Variants in ASTN2 observed in about 807,000 individuals in gnomAD.
ASTN2 encodes astrotactin 2.
Under a neutral mutation model 139.8 loss-of-function variants are expected in ASTN2, and 54 were observed. The observed-to-expected ratio is 0.39, with a 90% CI of 0.31 to 0.48. ASTN2 has a LOEUF of 0.48. Ranked by LOEUF, ASTN2 falls within the 20% of genes least tolerant of loss-of-function variation. The pLI is 0.95. For missense variants in ASTN2, 1,565 were observed against 1,725.1 expected (o/e 0.91, Z 1.64); for synonymous variants, 756 against 719.5 (o/e 1.05, Z -0.81).
chr9:116,736,559 C>A (rs1177533107), intron 13 of ASTN2, among the ~76,000 whole-genome samples: 1 of 152,166 alleles, frequency 6.6e-6, no homozygotes, highest in Non-Finnish European at 1.5e-5. Context: ...GAGGACCTTG[C>A]TGCTCCTACA....
At chr9:116,913,654 C>A (rs1834372566) in intron 10 of ASTN2, among the ~76,000 whole-genome samples, 1 of 152,164 alleles carries the variant, frequency 6.6e-6, no homozygotes, top group Non-Finnish European at 1.5e-5. Context: ...AATATACTCC[C>A]TTTTATAGCA....
Position 116,580,493 on chromosome 9 carries a change from A to C in ASTN2, c.3355+37831T>G, listed in dbSNP as rs10983249. On this transcript the variant is annotated intron_variant, in intron 19 of 22. Transcript: ENST00000313400. ...GAAGACAGCCAGCAAAAAATCTTCCAGTTACTCTGAATACCCTGTGACACC... is the reference window on the plus strand; with the variant it reads ...GAAGACAGCCAGCAAAAAATCTTCCCGTTACTCTGAATACCCTGTGACACC... 8.3e-3 allele frequency among the ~76,000 whole-genome samples: 1,266 copies of C among 152,286 alleles called. 14 individuals are homozygous for C. The highest frequency in any genetic ancestry group is 0.028 in the African/African-American group (1,147 of 41,580).
intron 10 of ASTN2, among the ~76,000 whole-genome samples, chr9:116,893,208 T>C (rs1414968842): frequency 2.6e-5 from 4 of 151,802 alleles, no homozygotes; most frequent in Admixed American, 6.6e-5. Context: ...AGAATCTTAC[T>C]ATACATATAC....
intron 7 of ASTN2, among the ~76,000 whole-genome samples, chr9:116,982,083 T>C (rs1464047061): frequency 6.6e-6 from 1 of 152,174 alleles, no homozygotes; most frequent in African/African-American, 2.4e-5. Context: ...TCTGTGTTCA[T>C]CTCCTGTGAG....
At chr9:117,334,420 T>C (rs1828809267) in intron 1 of ASTN2, among the ~76,000 whole-genome samples, 1 of 151,712 alleles carries the variant, frequency 6.6e-6, no homozygotes, top group Non-Finnish European at 1.5e-5. Context: ...ATTTTTAATA[T>C]GCGGAAAACA....
intron 16 of ASTN2, among the ~76,000 whole-genome samples, chr9:116,664,260 A>AT (rs1858732256): frequency 6.6e-6 from 1 of 151,822 alleles, no homozygotes; most frequent in African/African-American, 2.4e-5. Flanking sequence ...TTTTTTTTTA[A>AT]TATAGGCACA....
intron 7 of ASTN2, among the ~76,000 whole-genome samples, chr9:116,989,528 C>T (rs1307316273): frequency 6.6e-6 from 1 of 151,306 alleles, no homozygotes; most frequent in East Asian, 1.9e-4. Flanking sequence ...GTAATGTGTA[C>T]ATTCAGCTGA....
At chr9:117,369,884 C>T (rs1006967750) in intron 1 of ASTN2, among the ~76,000 whole-genome samples, 4 of 152,232 alleles carry the variant, frequency 2.6e-5, no homozygotes, top group Admixed American at 1.3e-4. Flanking sequence ...AGAGGAGGAA[C>T]CCCATCCACA....
chr9:117,229,872 G>C (rs137891406), intron 2 of ASTN2, among the ~76,000 whole-genome samples: 273 of 152,228 alleles, frequency 1.8e-3, no homozygotes, highest in Non-Finnish European at 3.3e-3. Flanking sequence ...GCCAGGTGTG[G>C]TGGCTCAGGC....
At chr9:116,622,945 T>A (rs1248194024) in intron 17 of ASTN2, among the ~76,000 whole-genome samples, 4 of 152,186 alleles carry the variant, frequency 2.6e-5, no homozygotes, top group Non-Finnish European at 4.4e-5. Flanking sequence ...TGCTGACTGT[T>A]AGACCTTTTC....
intron 3 of ASTN2, among the ~76,000 whole-genome samples, chr9:117,176,021 C>T (rs10983558): frequency 0.11 from 16,696 of 150,748 alleles, 987 homozygotes; most frequent in East Asian, 0.18. Flanking sequence ...GGAACATTTA[C>T]TAATCAGGTA....
At chr9:116,893,941 G>A (rs1206298015) in intron 10 of ASTN2, among the ~76,000 whole-genome samples, 1 of 152,144 alleles carries the variant, frequency 6.6e-6, no homozygotes, top group Admixed American at 6.5e-5. Flanking sequence ...CCCTGCTTGA[G>A]CATCCACATT....
chr9:116,988,111 G>A (rs1289221482), intron 7 of ASTN2, among the ~76,000 whole-genome samples: 1 of 152,226 alleles, frequency 6.6e-6, no homozygotes, highest in African/African-American at 2.4e-5. Flanking sequence ...CTGTGGATGA[G>A]GGGGAACTAC....
intron 4 of ASTN2, among the ~76,000 whole-genome samples, chr9:117,137,550 C>T (rs1829982029): frequency 1.3e-5 from 2 of 152,114 alleles, no homozygotes; most frequent in Admixed American, 1.3e-4. Context: ...ATAAATGTTC[C>T]AATGGGAGAA....
intron 10 of ASTN2, among the ~76,000 whole-genome samples, chr9:116,940,464 A>G (rs1835191966): frequency 6.6e-6 from 1 of 152,164 alleles, no homozygotes; most frequent in South Asian, 2.1e-4. Context: ...GAAGACAGTG[A>G]TATTGATGAT....
intron 5 of ASTN2, among the ~76,000 whole-genome samples, chr9:117,060,535 A>C (rs1839254979): frequency 7.6e-6 from 1 of 131,252 alleles, no homozygotes; most frequent in Non-Finnish European, 1.6e-5. Context: ...GGAAGGAAGG[A>C]AAGAAAGAAA....
chr9:117,335,864 G>A (rs1828865795), intron 1 of ASTN2, among the ~76,000 whole-genome samples: 1 of 152,066 alleles, frequency 6.6e-6, no homozygotes, highest in Non-Finnish European at 1.5e-5. Context: ...TGTACCCAGA[G>A]TTGGAATCTC....
At position 117,153,211 on chromosome 9, in the gene ASTN2, C is replaced by T. The variant is rs1022938449; in HGVS notation, c.1016-11733G>A. 3.3e-5 allele frequency among the ~76,000 whole-genome samples: 5 copies of T among 151,964 alleles called. No homozygotes were observed. The East Asian group carries it at 7.7e-4, about 24-fold the overall frequency. On this transcript the variant is annotated intron_variant, in intron 3 of 22. Coordinates refer to ENST00000313400, the MANE Select transcript of ASTN2 (RefSeq NM_001365068.1). The stretch of plus-strand genomic sequence containing the variant: ...GCATCTGACACCACCAAGAGGAAGG[C>T]TTGTCGCAGCTAGTGTGCTAGATGA...
chr9:117,307,685 T>G (rs10983615), intron 1 of ASTN2, among the ~76,000 whole-genome samples: 51,235 of 152,132 alleles, frequency 0.34, 9,181 homozygotes, highest in East Asian at 0.45. Flanking sequence ...GGCAGACATA[T>G]GCATATGTGC....
Sources: allele counts gnomAD v4.1 joint callset (sites outside exome capture counted in the v4.1 genomes callset), GRCh38; gene constraint gnomAD v4.1.1; transcripts MANE v1.5; gene names NCBI Gene and HGNC (gene_info 2026-07-23, HGNC 2026-07-21).